The following SEMA3D variants were observed in gnomAD, a reference collection of about 807,000 sequenced individuals.
SEMA3D encodes semaphorin-3D.
SEMA3D carries 84 observed loss-of-function variants against 100.1 expected under a neutral mutation model. The ratio of observed to expected loss-of-function variants is 0.84; its 90% CI spans 0.70 to 1.01. The LOEUF (loss-of-function observed/expected upper bound fraction) is 1.01, where lower values mean the gene tolerates loss of function less well. Ranked by LOEUF, SEMA3D falls within the 50% of genes least tolerant of loss-of-function variation. The pLI is 0.00. For synonymous variants in SEMA3D, 312 were observed against 320.7 expected, an observed-to-expected ratio of 0.97 and a Z score of 0.29; for missense variants, 875 against 934.1, an observed-to-expected ratio of 0.94 and a Z score of 0.82.
chr7:85,016,984 G>A (rs527873676), intron 15 of SEMA3D, among the ~76,000 whole-genome samples: 2 of 151,648 alleles, frequency 1.3e-5, no homozygotes, highest in South Asian at 4.2e-4. Context: ...GATATATAAA[G>A]TTGTGCCTAA....
chr7:85,204,797 T>C, the SEMA3D span, among the ~76,000 whole-genome samples: 3 of 152,046 alleles, frequency 2.0e-5, no homozygotes, highest in South Asian at 2.1e-4. Context: ...TTTCCTATTA[T>C]CACTCTGACT....
At chr7:85,203,207 T>C in the SEMA3D span, among the ~76,000 whole-genome samples, 1 of 151,736 alleles carries the variant, frequency 6.6e-6, no homozygotes, top group Non-Finnish European at 1.5e-5. Context: ...TCCAGAAGAG[T>C]GTGGGTGTGG....
At position 84,996,425 on chromosome 7, in the gene SEMA3D, A is replaced by G. The variant is rs1244917656; in HGVS notation, c.*3015T>C. On this transcript the variant is annotated 3_prime_UTR_variant, in exon 19 of 19. Coordinates refer to ENST00000284136, the MANE Select transcript of SEMA3D (RefSeq NM_001384900.1). Reference sequence around the variant, plus strand: ...AGACTTTATGAATTTTAATTCTTCCACTACTGTTGTGGCTTTTGCAAATTA... The same window carrying G: ...AGACTTTATGAATTTTAATTCTTCCGCTACTGTTGTGGCTTTTGCAAATTA... The G allele has an allele frequency of 6.6e-6, 1 of 152,004 alleles. No homozygotes were observed. The highest frequency in any genetic ancestry group is 2.4e-5 in the African/African-American group (1 of 41,440). The allele number at this position is 152,004 out of a possible 1,614,324, so 9.4% of individuals were successfully genotyped here.
chr7:85,186,305 C>T (rs1398507325), intron 1 of SEMA3D, among the ~76,000 whole-genome samples: 1 of 152,154 alleles, frequency 6.6e-6, no homozygotes. Context: ...CTGCCCAGAC[C>T]AGGAGGGGTG....
intron 4 of SEMA3D, among the ~76,000 whole-genome samples, chr7:85,096,803 C>T (rs1788568423): frequency 6.6e-6 from 1 of 151,736 alleles, no homozygotes; most frequent in South Asian, 2.1e-4. Context: ...TTAAATCTCA[C>T]AATTAGAGGG....
the SEMA3D span, among the ~76,000 whole-genome samples, chr7:85,220,209 T>C: frequency 2.6e-5 from 4 of 152,048 alleles, no homozygotes; most frequent in African/African-American, 9.7e-5. Flanking sequence ...GTGTTGTCGC[T>C]GTGTCTCTAA....
At chr7:85,133,497 C>A (rs753788574) in intron 2 of SEMA3D, among the ~76,000 whole-genome samples, 1 of 151,904 alleles carries the variant, frequency 6.6e-6, no homozygotes, top group African/African-American at 2.4e-5. Context: ...CTAAAACTAG[C>A]GCAACGTTCT....
chr7:85,216,614 T>C, the SEMA3D span, among the ~76,000 whole-genome samples: 23,793 of 151,968 alleles, frequency 0.16, 2,369 homozygotes, highest in Non-Finnish European at 0.23. Context: ...ACTGTTTTCA[T>C]TGGTGCTAAT....
At chr7:85,098,871 T>G (rs1052604654) in intron 3 of SEMA3D, among the ~76,000 whole-genome samples, 10 of 151,924 alleles carry the variant, frequency 6.6e-5, no homozygotes, top group Non-Finnish European at 1.5e-4. Context: ...TCACTAATTT[T>G]TTTACTGTCT....
chr7:85,008,495 C>T (rs1434522587), intron 17 of SEMA3D, among the ~76,000 whole-genome samples: 5 of 151,578 alleles, frequency 3.3e-5, no homozygotes, highest in Admixed American at 6.6e-5. Context: ...AGTTTTTAAA[C>T]GTACATAGAT....
the SEMA3D span, among the ~76,000 whole-genome samples, chr7:85,198,167 C>T: frequency 6.6e-6 from 1 of 152,098 alleles, no homozygotes; most frequent in Non-Finnish European, 1.5e-5. Flanking sequence ...AACTTCACTC[C>T]ATTTCTTCAA....
At chr7:85,175,164 G>A (rs982943540) in intron 1 of SEMA3D, among the ~76,000 whole-genome samples, 1 of 152,138 alleles carries the variant, frequency 6.6e-6, no homozygotes, top group African/African-American at 2.4e-5. Context: ...TTAATAACTC[G>A]AGTGAAAGTG....
chr7:85,090,379 T>C (rs372623658), intron 4 of SEMA3D, among the ~76,000 whole-genome samples: 5 of 152,050 alleles, frequency 3.3e-5, no homozygotes, highest in East Asian at 3.9e-4. Context: ...AACGAGTCGA[T>C]TGTTTTAGCT....
At chr7:85,102,046 G>A (rs1788762290) in intron 3 of SEMA3D, among the ~76,000 whole-genome samples, 1 of 151,942 alleles carries the variant, frequency 6.6e-6, no homozygotes, top group African/African-American at 2.4e-5. Flanking sequence ...AGCCTTGTCT[G>A]CAAGGGGCTC....
At chr7:85,181,274 G>C (rs1220168182) in intron 1 of SEMA3D, among the ~76,000 whole-genome samples, 1 of 151,448 alleles carries the variant, frequency 6.6e-6, no homozygotes, top group African/African-American at 2.4e-5. Flanking sequence ...GGATCAGGGT[G>C]AGCCTACAGC....
intron 17 of SEMA3D, 78 bp downstream of exon 17, chr7:85,012,704 A>C (rs1789988973): frequency 5.6e-6 from 6 of 1,079,804 alleles, no homozygotes; most frequent in Non-Finnish European, 8.6e-6. Context: ...TAGATGGTTT[A>C]AGTCATATAA....
chr7:85,221,836 AC>A, the SEMA3D span, among the ~76,000 whole-genome samples: 1 of 152,116 alleles, frequency 6.6e-6, no homozygotes, highest in Non-Finnish European at 1.5e-5. Flanking sequence ...GATTAAAAAA[AC>A]ATAGTGTATA....
upstream of SEMA3D, among the ~76,000 whole-genome samples, chr7:85,191,542 G>T (rs1057365385): frequency 6.6e-6 from 1 of 152,128 alleles, no homozygotes. Context: ...AGCCTTATTT[G>T]TGTATGAGTG....
intron 12 of SEMA3D, 110 bp downstream of exon 12, chr7:85,036,779 A>T (rs1584540488): frequency 6.2e-6 from 5 of 807,228 alleles, no homozygotes; most frequent in East Asian, 5.6e-5. Flanking sequence ...CTGCAAATAA[A>T]TGTTATTACA....
Sources: allele counts gnomAD v4.1 joint callset (sites outside exome capture counted in the v4.1 genomes callset), GRCh38; gene constraint gnomAD v4.1.1; transcripts MANE v1.5; gene names NCBI Gene and HGNC (gene_info 2026-07-23, HGNC 2026-07-21).